The following ZNF423 variants were observed in gnomAD, a reference collection of about 807,000 sequenced individuals.
The protein encoded by ZNF423 is zinc finger protein 423, also known as Ebf-associated zinc finger protein.
Under a neutral mutation model 95.8 loss-of-function variants are expected in ZNF423, and 12 were observed. That is an observed-to-expected ratio of 0.13 (90% CI 0.08 to 0.20). The LOEUF (loss-of-function observed/expected upper bound fraction) is 0.20. Among genes scored for constraint, ZNF423 ranks in the 10% least tolerant of loss-of-function variants. The pLI, the probability that ZNF423 is intolerant of heterozygous loss-of-function variation, is 1.00. For missense variants in ZNF423, 1,316 were observed against 1,737.1 expected (o/e 0.76, Z 4.31); for synonymous variants, 749 against 711.9 (o/e 1.05, Z -0.83).
chr16:49,688,739 TAA>T (rs2031665439), intron 3 of ZNF423, among the ~76,000 whole-genome samples: 1 of 152,144 alleles, frequency 6.6e-6, no homozygotes, highest in African/African-American at 2.4e-5. Flanking sequence ...AGAGACTCAA[TAA>T]AAAAGGAAAA....
chr16:49,635,640 A>T lies in ZNF423; in HGVS notation c.3516+20T>A, dbSNP rs775434250. Reference sequence around the variant, plus strand: ...CCCAAGGAGAGGAGCAGGGAGCAGGATGAGGTGGACTGCACTTACCCGGGG... The same window carrying T: ...CCCAAGGAGAGGAGCAGGGAGCAGGTTGAGGTGGACTGCACTTACCCGGGG... On this transcript the variant is annotated intron_variant, in intron 4 of 7. Coordinates refer to ENST00000563137, the MANE Select transcript of ZNF423 (RefSeq NM_001379286.1). The surrounding 1 kb of genome is among the most constrained non-coding windows in gnomAD (Gnocchi z 4.8). 2 of 1,532,576 alleles carry T rather than the reference A, an allele frequency of 1.3e-6. No individual in the cohort carries two copies. Among genetic ancestry groups the T allele is most frequent in the East Asian group, 4.6e-5 (2 of 43,940 alleles). The allele number at this position is 1,532,576 out of a possible 1,614,324, so 94.9% of individuals were successfully genotyped here.
intron 1 of ZNF423, among the ~76,000 whole-genome samples, chr16:49,829,383 G>C (rs556060538): frequency 6.6e-6 from 1 of 152,186 alleles, no homozygotes; most frequent in Non-Finnish European, 1.5e-5. Flanking sequence ...CTTTGAGCCC[G>C]AGAGTTGGAG....
rs1439495600 is a variant in ZNF423 at position 49,619,916 on chromosome 16, ACT to A, written c.3601+6252_3601+6253del. Among the ~76,000 whole-genome samples the A allele has an allele frequency of 2.0e-5, 3 of 151,978 alleles. No homozygotes were observed. In the East Asian group the frequency reaches 5.8e-4, roughly 30 times the overall value. On this transcript the variant is annotated intron_variant, in intron 5 of 7. Coordinates refer to ENST00000563137, the MANE Select transcript of ZNF423 (RefSeq NM_001379286.1). Reference sequence around the variant, plus strand: ...GAGCTGGGGCGAGACACTGACTTCCACTCCAGACTGTCCTCCTTGGACCAGAG... The same window carrying A: ...GAGCTGGGGCGAGACACTGACTTCCACCAGACTGTCCTCCTTGGACCAGAG...
intron 3 of ZNF423, chr16:49,708,007 A>G (rs2032411808): frequency 6.5e-6 from 1 of 154,460 alleles, no homozygotes; most frequent in East Asian, 1.9e-4. Flanking sequence ...GGTCAGGGCA[A>G]AACATCTGGA....
At chr16:49,604,070 A>G (rs923050566) in intron 5 of ZNF423, among the ~76,000 whole-genome samples, 1 of 152,214 alleles carries the variant, frequency 6.6e-6, no homozygotes, top group African/African-American at 2.4e-5. Context: ...CTGCAAGAAC[A>G]GCCCCTGGTT....
intron 2 of ZNF423, among the ~76,000 whole-genome samples, chr16:49,733,628 G>A (rs1209723911): frequency 6.6e-6 from 1 of 152,224 alleles, no homozygotes; most frequent in African/African-American, 2.4e-5. Flanking sequence ...GAGGGTGGCT[G>A]TGCAGAAAGG....
At chr16:49,503,632 C>A (rs1350805673) in intron 7 of ZNF423, among the ~76,000 whole-genome samples, 1 of 152,206 alleles carries the variant, frequency 6.6e-6, no homozygotes, top group East Asian at 1.9e-4. Context: ...CATCGCTCTG[C>A]ACCTTGCAGA....
At position 49,661,094 on chromosome 16, in the gene ZNF423, G is replaced by A. The variant is rs149762470; in HGVS notation, c.302-22220C>T. The stretch of plus-strand genomic sequence containing the variant: ...AAATTAGCTAGGTGTGATGGTGGGC[G>A]CCTGTAATCCCAGCTACTCAGGAGG... On this transcript the variant is annotated intron_variant, in intron 3 of 7. Coordinates refer to ENST00000563137, the MANE Select transcript of ZNF423 (RefSeq NM_001379286.1). Among the ~76,000 whole-genome samples, 778 of 151,966 alleles carry A rather than the reference G, an allele frequency of 5.1e-3. 4 individuals are homozygous for A. Among genetic ancestry groups the A allele is most frequent in the African/African-American group, 0.017 (718 of 41,402 alleles).
intron 3 of ZNF423, among the ~76,000 whole-genome samples, chr16:49,658,089 A>C (rs1391294812): frequency 6.6e-6 from 1 of 152,252 alleles, no homozygotes; most frequent in Admixed American, 6.5e-5. Flanking sequence ...TGCCCATTAA[A>C]ATAAAGATGT....
Position 49,627,530 on chromosome 16 carries a change from T to A in ZNF423, c.3517-1276A>T, listed in dbSNP as rs1361745352. Among the ~76,000 whole-genome samples, 21 of 127,040 alleles carry A rather than the reference T, an allele frequency of 1.7e-4. 2 individuals are homozygous for A. The highest frequency in any genetic ancestry group is 6.0e-4 in the African/African-American group (21 of 35,236). 83.3% of individuals were successfully genotyped at this position (127,040 alleles called of 152,430 possible). ...CACCCATCCACCCATCAATCCATCC[T>A]CCATCTACCCATCCATCCATCTATT... On this transcript the variant is annotated intron_variant, in intron 4 of 7. Coordinates refer to ENST00000563137, the MANE Select transcript of ZNF423 (RefSeq NM_001379286.1).
At chr16:49,682,088 C>T (rs371968307) in intron 3 of ZNF423, among the ~76,000 whole-genome samples, 14 of 151,888 alleles carry the variant, frequency 9.2e-5, no homozygotes, top group Non-Finnish European at 1.6e-4. Context: ...CCTGTTCCTC[C>T]TCCCCTTCCC....
chr16:49,554,708 A>G (rs1302374009), intron 5 of ZNF423, among the ~76,000 whole-genome samples: 1 of 151,898 alleles, frequency 6.6e-6, no homozygotes, highest in Non-Finnish European at 1.5e-5. Context: ...GGCTTTTCTG[A>G]TATGGAATCA....
At chr16:49,731,413 C>A (rs2033164994) in intron 2 of ZNF423, 1 of 981,630 alleles carries the variant, frequency 1.0e-6, no homozygotes, top group Non-Finnish European at 1.2e-6. Flanking sequence ...ACACAACAGG[C>A]CTCCCAGGGC....
chr16:49,615,165 C>CACACAT (rs1555512465), intron 5 of ZNF423, among the ~76,000 whole-genome samples: 1 of 151,360 alleles, frequency 6.6e-6, no homozygotes, highest in East Asian at 1.9e-4. Context: ...CACACACACA[C>CACACAT]GGGGCAGGGG....
At chr16:49,648,816 G>T (rs1356147713) in intron 3 of ZNF423, among the ~76,000 whole-genome samples, 1 of 152,174 alleles carries the variant, frequency 6.6e-6, no homozygotes, top group East Asian at 1.9e-4. Context: ...TCTTTGGTGA[G>T]ATTAAGGGTG....
intron 2 of ZNF423, among the ~76,000 whole-genome samples, chr16:49,733,856 G>A (rs952631684): frequency 9.2e-5 from 14 of 152,174 alleles, no homozygotes; most frequent in Non-Finnish European, 1.6e-4. Context: ...CTCCACCCCA[G>A]GCAGGGTTTG....
At chr16:49,761,594 G>A (rs1328945342) in intron 2 of ZNF423, among the ~76,000 whole-genome samples, 1 of 152,320 alleles carries the variant, frequency 6.6e-6, no homozygotes, top group East Asian at 1.9e-4. Context: ...TCCCAGGGCT[G>A]TTGTAAAGAG....
At chr16:49,675,888 T>C (rs1223602838) in intron 3 of ZNF423, among the ~76,000 whole-genome samples, 1 of 152,214 alleles carries the variant, frequency 6.6e-6, no homozygotes, top group Non-Finnish European at 1.5e-5. Context: ...CATGTGTGTG[T>C]TCTGAACACG....
intron 3 of ZNF423, among the ~76,000 whole-genome samples, chr16:49,698,951 T>C (rs2032074096): frequency 6.6e-6 from 1 of 152,220 alleles, no homozygotes; most frequent in Non-Finnish European, 1.5e-5. Context: ...TTTTCTGTTA[T>C]ATTATCTTTC....
Sources: allele counts gnomAD v4.1 joint callset (sites outside exome capture counted in the v4.1 genomes callset), GRCh38; gene constraint gnomAD v4.1.1; non-coding constraint Gnocchi (gnomAD v3.1); transcripts MANE v1.5; gene names NCBI Gene and HGNC (gene_info 2026-07-23, HGNC 2026-07-21).